ALAS1: variants seen among roughly 807,000 people sequenced by gnomAD.
ALAS1 encodes 5-aminolevulinate synthase, non-specific, mitochondrial.
Under a neutral mutation model 59.6 loss-of-function variants are expected in ALAS1, and 29 were observed. The ratio of observed to expected loss-of-function variants is 0.49; its 90% CI spans 0.36 to 0.66. ALAS1 has a LOEUF of 0.66. ALAS1 is among the 30% of genes least tolerant of loss of function. The pLI is 0.00. For synonymous variants in ALAS1, 299 were observed against 296.6 expected, an observed-to-expected ratio of 1.01 and a Z score of -0.08; for missense variants, 690 against 807.5, an observed-to-expected ratio of 0.85 and a Z score of 1.76.
In ALAS1 at chr3:52,198,842, C is replaced by T. The variant is rs777870053; in HGVS notation, c.-39C>T. On this transcript the variant is annotated 5_prime_UTR_variant, in exon 2 of 12. Transcript: ENST00000484952. Reference sequence around the variant, plus strand: ...GGATGGATGAGTGGCTTCTTCTCCACCTAGATGTAAGCCAAGATGTCTTAT... The same window carrying T: ...GGATGGATGAGTGGCTTCTTCTCCATCTAGATGTAAGCCAAGATGTCTTAT... 1 of 1,535,692 alleles carries T rather than the reference C, an allele frequency of 6.5e-7. No homozygotes were observed. Among genetic ancestry groups the T allele is most frequent in the South Asian group, 1.2e-5 (1 of 84,062 alleles).
In ALAS1 at chr3:52,200,840, T is replaced by G. The variant is rs545057561; in HGVS notation, c.199+1400T>G. Among the ~76,000 whole-genome samples, 5 of 152,308 alleles carry G rather than the reference T, an allele frequency of 3.3e-5. No individual in the cohort carries two copies. In the South Asian group the frequency reaches 1.0e-3, roughly 32 times the overall value. On this transcript the variant is annotated intron_variant, in intron 3 of 11. Coordinates refer to ENST00000484952, the MANE Select transcript of ALAS1 (RefSeq NM_000688.6). ...CCAGAGAATATTTTACAGGTTTTTC[T>G]TAGGCGTGTTCTCTGGGTGTGGGCT...
Position 52,198,703 on chromosome 3 carries a change from G to A in ALAS1, c.-178G>A. 1 of 1,120,900 alleles carries A rather than the reference G, an allele frequency of 8.9e-7. No homozygotes were observed. Among genetic ancestry groups the A allele is most frequent in the Non-Finnish European group, 1.3e-6 (1 of 772,552 alleles). The allele number at this position is 1,120,900 out of a possible 1,614,324, so 69.4% of individuals were successfully genotyped here. A position where few individuals can be genotyped will look rare whatever the true frequency, so the allele number is the denominator to read the frequency against. ...CCAGTTCTTCCCGCTGTGGGGACAC[G>A]ACCACGGAGGAATCCTTGCTTCAGG... On this transcript the variant is annotated 5_prime_UTR_variant, in exon 2 of 12. Coordinates refer to ENST00000484952, the MANE Select transcript of ALAS1 (RefSeq NM_000688.6).
At position 52,204,930 on chromosome 3, in the gene ALAS1, G is replaced by A. The variant is rs1699263564; in HGVS notation, c.800+15G>A. On this transcript the variant is annotated intron_variant, in intron 6 of 11. Transcript: ENST00000484952. The stretch of plus-strand genomic sequence containing the variant: ...GGGGCAGTTATGTAAGTAGCCCTTG[G>A]CTTTCAAATATTACTGTTGTTATTT... The A allele has an allele frequency of 1.9e-6, 3 of 1,601,864 alleles. No individual in the cohort carries two copies. The highest frequency in any genetic ancestry group is 2.2e-5 in the East Asian group (1 of 44,838).
chr3:52,212,370 G>A lies in ALAS1; in HGVS notation c.1712G>A (p.Arg571Gln), dbSNP rs748075827. ...GTGCCCCGGGGAGAAGAGCTCCTAC[G>A]GATTGCCCCCACCCCTCACCACACA... Reference protein sequence around the residue: ...PTVPRGEELLRIAPTPHHTPQ... With the variant: ...PTVPRGEELLQIAPTPHHTPQ... Residue 571 changes from arginine to glutamine, a missense_variant, in exon 11 of 12, where the codon CGG (arginine) becomes CAG (glutamine). Arg to Gln is a conservative substitution (Grantham distance 43). Transcript: ENST00000484952. The A allele has an allele frequency of 5.0e-6, 8 of 1,613,934 alleles. No individual in the cohort carries two copies. The highest frequency in any genetic ancestry group is 4.5e-5 in the East Asian group (2 of 44,892).
In ALAS1 at chr3:52,202,722, G is replaced by C; in HGVS notation, c.415G>C (p.Ala139Pro). 6.2e-7 allele frequency: 1 copy of C among 1,613,926 alleles called. No individual in the cohort carries two copies. The highest frequency in any genetic ancestry group is 8.5e-7 in the Non-Finnish European group (1 of 1,179,910). ...ELQEDVQEMNAVRKEVAETSA... is the reference protein window; with the variant it reads ...ELQEDVQEMNPVRKEVAETSA... Reference sequence around the variant, plus strand: ...TCAGGAGGATGTGCAGGAAATGAATGCCGTGAGGAAAGGTAAGAGATGAGT... The same window carrying C: ...TCAGGAGGATGTGCAGGAAATGAATCCCGTGAGGAAAGGTAAGAGATGAGT... Residue 139 changes from alanine (A) to proline (P), a missense_variant, in exon 4 of 12, where the codon GCC (alanine) becomes CCC (proline). By Grantham distance (27) the Ala-to-Pro change is conservative. Coordinates refer to ENST00000484952, the MANE Select transcript of ALAS1 (RefSeq NM_000688.6).
At chr3:52,206,551 A>G in intron 7 of ALAS1, 21 bp from the exon 8 acceptor site, 1 of 1,607,426 alleles carries the variant, frequency 6.2e-7, no homozygotes, top group Non-Finnish European at 8.5e-7. Context: ...ATGGCAATAA[A>G]TAGCATTTTT....
At chr3:52,210,813 G>A (rs1699389168) in intron 9 of ALAS1, among the ~76,000 whole-genome samples, 2 of 152,062 alleles carry the variant, frequency 1.3e-5, no homozygotes, top group Non-Finnish European at 2.9e-5. Flanking sequence ...TCCTTTTATA[G>A]TCATGCATTG....
At chr3:52,208,753 T>C (rs1173770566) in intron 9 of ALAS1, among the ~76,000 whole-genome samples, 1 of 152,218 alleles carries the variant, frequency 6.6e-6, no homozygotes, top group Non-Finnish European at 1.5e-5. Context: ...ACCTCACTAG[T>C]TGTGTGACCT....
At chr3:52,202,087 C>T (rs536908782) in intron 3 of ALAS1, among the ~76,000 whole-genome samples, 3 of 152,092 alleles carry the variant, frequency 2.0e-5, no homozygotes, top group Admixed American at 6.5e-5. Flanking sequence ...CAGTGGTTCA[C>T]GCCTATAATC....
At chr3:52,202,474 C>A (rs765444244) in intron 3 of ALAS1, 33 bp from the exon 4 acceptor site, 3 of 1,560,500 alleles carry the variant, frequency 1.9e-6, no homozygotes, top group South Asian at 2.2e-5. Flanking sequence ...GCAACCAGAT[C>A]TGATGCTTCA....
chr3:52,207,982 T>G, intron 8 of ALAS1, 101 bp from the exon 9 acceptor site: 1 of 1,197,978 alleles, frequency 8.3e-7, no homozygotes, highest in South Asian at 2.4e-5. Flanking sequence ...ATATTGAAAA[T>G]GATACCTTAG....
At chr3:52,212,226 G>A in intron 10 of ALAS1, 32 bp from the exon 11 acceptor site, 2 of 1,602,108 alleles carry the variant, frequency 1.2e-6, no homozygotes, top group East Asian at 2.2e-5. Flanking sequence ...CCTTCCTGTT[G>A]TGACCTTACC....
At position 52,203,933 on chromosome 3, in the gene ALAS1, G is replaced by A; in HGVS notation, c.498G>A (p.Leu166=). 1.9e-6 allele frequency: 3 copies of A among 1,613,768 alleles called. No homozygotes were observed. Among genetic ancestry groups the A allele is most frequent in the Non-Finnish European group, 2.5e-6 (3 of 1,179,784 alleles). The change falls in exon 5 of 12, where the codon CTG becomes CTA. Residue 166 remains leucine, a synonymous_variant. Coordinates refer to ENST00000484952, the MANE Select transcript of ALAS1 (RefSeq NM_000688.6). ...CCGATGGAGGGGATCCCAGTGGACT[G>A]CTGAAGAACTTCCAGGACATCATGC... ...VKTDGGDPSG[L]LKNFQDIMQK... is the part of the protein sequence containing the mutation.
At chr3:52,198,529 C>G in intron 1 of ALAS1, 143 bp from the exon 2 acceptor site, 1 of 491,336 alleles carries the variant, frequency 2.0e-6, no homozygotes, top group Non-Finnish European at 3.6e-6. Context: ...GACCGCGGGT[C>G]ACCTCTGACC....
Position 52,202,684 on chromosome 3 carries a change from C to G in ALAS1, c.377C>G (p.Ala126Gly). The change falls in exon 4 of 12, where the codon GCC (alanine) becomes GGC (glycine). Residue 126 changes from alanine (A) to glycine (G), a missense_variant. Physicochemically the swap from Ala to Gly is moderately conservative, Grantham distance 60. Coordinates refer to ENST00000484952, the MANE Select transcript of ALAS1 (RefSeq NM_000688.6). ...NQRGSSVFCK[A>G]SLELQEDVQE... ...AGAGGCAGCAGTGTCTTCTGCAAAG[C>G]CAGTCTTGAGCTTCAGGAGGATGTG... The G allele has an allele frequency of 6.2e-7, 1 of 1,614,174 alleles. No homozygotes were observed. The highest frequency in any genetic ancestry group is 8.5e-7 in the Non-Finnish European group (1 of 1,180,036).
At chr3:52,203,307 G>A (rs901704327) in intron 4 of ALAS1, among the ~76,000 whole-genome samples, 7 of 152,214 alleles carry the variant, frequency 4.6e-5, no homozygotes, top group Admixed American at 6.5e-5. Flanking sequence ...TTGGGAGGCC[G>A]AGGCAGGTGG....
chr3:52,208,526 G>A (rs567464550), intron 9 of ALAS1, among the ~76,000 whole-genome samples: 2 of 152,328 alleles, frequency 1.3e-5, no homozygotes, highest in East Asian at 3.9e-4. Flanking sequence ...CATGGCAAGA[G>A]CCTGTACTCT....
chr3:52,199,439 G>A lies in ALAS1; in HGVS notation c.198G>A (p.Glu66=), dbSNP rs1699141495. 6.2e-7 allele frequency: 1 copy of A among 1,613,014 alleles called. No homozygotes were observed. Among genetic ancestry groups the A allele is most frequent in the Non-Finnish European group, 8.5e-7 (1 of 1,179,334 alleles). The change falls in exon 3 of 12, where the codon GAG becomes GAA. Residue 66 remains glutamate, a splice_region_variant and synonymous_variant. Coordinates refer to ENST00000484952, the MANE Select transcript of ALAS1 (RefSeq NM_000688.6). ...TCAAAGAAACCCCTCCGGCCAGTGAGAGTAAGTGTCATTGACAATGAAGGA... is the reference window on the plus strand; with the variant it reads ...TCAAAGAAACCCCTCCGGCCAGTGAAAGTAAGTGTCATTGACAATGAAGGA... The part of the protein sequence containing the change: ...QQIKETPPAS[E]KDKTAKAKVQ...
At chr3:52,206,796 A>G (rs758000488) in intron 8 of ALAS1, 45 bp downstream of exon 8, 7 of 1,569,010 alleles carry the variant, frequency 4.5e-6, no homozygotes, top group South Asian at 1.2e-5. Flanking sequence ...ATGAAAAACT[A>G]TGCCTGAACT....
Sources: allele counts gnomAD v4.1 joint callset (sites outside exome capture counted in the v4.1 genomes callset), GRCh38; gene constraint gnomAD v4.1.1; transcripts MANE v1.5; gene names NCBI Gene and HGNC (gene_info 2026-07-23, HGNC 2026-07-21).